The following NDST3 variants were observed in gnomAD, a reference collection of about 807,000 sequenced individuals.
The protein encoded by NDST3 is N-deacetylase and N-sulfotransferase 3, also known as bifunctional heparan sulfate N-deacetylase/N-sulfotransferase 3.
NDST3 carries 58 observed loss-of-function variants against 96.1 expected under a neutral mutation model. The ratio of observed to expected loss-of-function variants is 0.60; its 90% CI spans 0.49 to 0.75. NDST3 has a LOEUF of 0.75. NDST3 is among the 30% of genes least tolerant of loss of function. The probability of loss-of-function intolerance (pLI) is 0.00; values close to 1 mark genes in which losing one functional copy is unlikely to be tolerated. For synonymous variants in NDST3, 333 were observed against 359.7 expected (o/e 0.93, Z 0.84); for missense variants, 788 against 1,034.2 (o/e 0.76, Z 3.27).
At chr4:118,234,325 A>T (rs2126001357) in intron 9 of NDST3, among the ~76,000 whole-genome samples, 1 of 152,222 alleles carries the variant, frequency 6.6e-6, no homozygotes, top group African/African-American at 2.4e-5. Flanking sequence ...AGATGGGAGG[A>T]TAACCTGAGC....
At chr4:118,254,309 G>C (rs78516088) in intron 13 of NDST3, among the ~76,000 whole-genome samples, 154 of 151,332 alleles carry the variant, frequency 1.0e-3, no homozygotes, top group African/African-American at 3.7e-3. Flanking sequence ...TAGTAAGTGT[G>C]CCCTGGGCAG....
intron 2 of NDST3, among the ~76,000 whole-genome samples, chr4:118,085,083 A>G (rs1458186410): frequency 6.6e-6 from 1 of 152,008 alleles, no homozygotes; most frequent in African/African-American, 2.4e-5. Context: ...AGATCACGCT[A>G]TTGCACTCCA....
intron 1 of NDST3, among the ~76,000 whole-genome samples, chr4:118,035,445 T>G (rs1307653342): frequency 1.3e-5 from 2 of 151,366 alleles, no homozygotes; most frequent in African/African-American, 2.4e-5. Context: ...TTTTGTTTTT[T>G]TTTTTTGCCC....
intron 6 of NDST3, among the ~76,000 whole-genome samples, chr4:118,151,069 G>A (rs11932297): frequency 6.6e-6 from 1 of 152,076 alleles, no homozygotes; most frequent in South Asian, 2.1e-4. Flanking sequence ...AAAAAATGAT[G>A]AGTTCATGTC....
At chr4:118,221,979 T>A (rs570628627) in intron 6 of NDST3, among the ~76,000 whole-genome samples, 1 of 145,460 alleles carries the variant, frequency 6.9e-6, no homozygotes, top group South Asian at 2.3e-4. Flanking sequence ...TTTATTTTGA[T>A]CAATTTTCCA....
intron 6 of NDST3, among the ~76,000 whole-genome samples, chr4:118,178,022 C>T (rs1424693709): frequency 1.3e-5 from 2 of 151,766 alleles, no homozygotes; most frequent in Non-Finnish European, 2.9e-5. Context: ...TCACCACACA[C>T]ACCCTATTTT....
chr4:118,110,767 TAAAAC>T (rs1319983051), intron 3 of NDST3, among the ~76,000 whole-genome samples: 1 of 152,110 alleles, frequency 6.6e-6, no homozygotes, highest in Non-Finnish European at 1.5e-5. Context: ...TCAAAGAACT[TAAAAC>T]AGAACTAATA....
chr4:118,202,619 C>T (rs1216000221), intron 6 of NDST3, among the ~76,000 whole-genome samples: 1 of 152,038 alleles, frequency 6.6e-6, no homozygotes, highest in Non-Finnish European at 1.5e-5. Flanking sequence ...TCAGCCTGGA[C>T]TTTGTTGGCA....
At chr4:118,040,820 C>T (rs939779496) in intron 1 of NDST3, among the ~76,000 whole-genome samples, 6 of 148,178 alleles carry the variant, frequency 4.0e-5, no homozygotes, top group Non-Finnish European at 1.5e-5. Context: ...GTAGCTGGGA[C>T]CACCTGCCAC....
At chr4:118,180,727 G>A (rs1327587643) in intron 6 of NDST3, among the ~76,000 whole-genome samples, 3 of 152,154 alleles carry the variant, frequency 2.0e-5, no homozygotes, top group Non-Finnish European at 4.4e-5. Context: ...ATTTTCTAGA[G>A]GCTGGTGGGT....
intron 6 of NDST3, among the ~76,000 whole-genome samples, chr4:118,168,831 T>C (rs936897428): frequency 6.6e-6 from 1 of 152,156 alleles, no homozygotes. Context: ...ACAACATGGA[T>C]CAACATTGAG....
intron 6 of NDST3, among the ~76,000 whole-genome samples, chr4:118,206,943 C>A (rs1738473646): frequency 7.0e-6 from 1 of 142,994 alleles, no homozygotes; most frequent in Non-Finnish European, 1.5e-5. Context: ...TAGCATAAAA[C>A]CTTAATAAGA....
At chr4:118,124,372 T>G (rs1731865875) in intron 4 of NDST3, among the ~76,000 whole-genome samples, 1 of 152,086 alleles carries the variant, frequency 6.6e-6, no homozygotes, top group South Asian at 2.1e-4. Flanking sequence ...AAGAATACTG[T>G]TAACTAAATA....
intron 2 of NDST3, among the ~76,000 whole-genome samples, chr4:118,102,716 A>T (rs1241219200): frequency 1.3e-5 from 2 of 152,122 alleles, no homozygotes; most frequent in African/African-American, 4.8e-5. Flanking sequence ...AAAAGGTGGG[A>T]ATAATGGATG....
intron 2 of NDST3, among the ~76,000 whole-genome samples, chr4:118,078,597 A>T (rs1173519987): frequency 6.6e-6 from 1 of 152,002 alleles, no homozygotes; most frequent in Non-Finnish European, 1.5e-5. Flanking sequence ...CTAAATACAA[A>T]AATTAGTTGG....
chr4:118,216,161 G>T (rs910639573), intron 6 of NDST3, among the ~76,000 whole-genome samples: 2 of 152,106 alleles, frequency 1.3e-5, no homozygotes, highest in Non-Finnish European at 2.9e-5. Flanking sequence ...AAAGCAGAAA[G>T]ATGATTTGGG....
intron 6 of NDST3, among the ~76,000 whole-genome samples, chr4:118,166,153 G>A (rs1735535064): frequency 1.3e-5 from 2 of 151,600 alleles, no homozygotes; most frequent in African/African-American, 4.8e-5. Context: ...AACATCATTG[G>A]CAAACCTTTA....
At chr4:118,085,460 T>A (rs1375483148) in intron 2 of NDST3, among the ~76,000 whole-genome samples, 5 of 152,186 alleles carry the variant, frequency 3.3e-5, no homozygotes, top group Non-Finnish European at 5.9e-5. Flanking sequence ...GCAAGTATAA[T>A]CACACAGTTC....
intron 8 of NDST3, among the ~76,000 whole-genome samples, chr4:118,230,764 T>C (rs990472991): frequency 2.0e-5 from 3 of 152,166 alleles, no homozygotes; most frequent in Non-Finnish European, 4.4e-5. Context: ...ATTACTGTTT[T>C]ATTCCCTATA....
Sources: gnomAD v4.1 joint callset for allele counts (sites outside exome capture counted in the v4.1 genomes callset) on GRCh38, gnomAD v4.1.1 for gene constraint, MANE v1.5 for transcripts, NCBI Gene and HGNC (gene_info 2026-07-23, HGNC 2026-07-21) for gene names.